Variants in CLBA1 observed in about 807,000 individuals in gnomAD.
CLBA1 encodes the protein uncharacterized protein CLBA1.
Under a neutral mutation model 28.8 loss-of-function variants are expected in CLBA1, and 30 were observed. The observed-to-expected ratio is 1.04, with a 90% CI of 0.78 to 1.41. The LOEUF is 1.41. Among genes scored for constraint, CLBA1 ranks in the 40% most tolerant of loss-of-function variants. The pLI is 0.00. For synonymous variants in CLBA1, 160 were observed against 152.8 expected (o/e 1.05, Z -0.35); for missense variants, 451 against 412.3 (o/e 1.09, Z -0.81).
chr14:104,988,084 TC>T (rs1899917312), intron 1 of CLBA1, among the ~76,000 whole-genome samples: 1 of 106,186 alleles, frequency 9.4e-6, no homozygotes, highest in African/African-American at 2.5e-5. Flanking sequence ...AGTTGAAATT[TC>T]ACAAGAAAGA....
intron 4 of CLBA1, chr14:104,993,675 G>C (rs2140899237): frequency 2.0e-6 from 2 of 985,460 alleles, no homozygotes; most frequent in African/African-American, 3.5e-5. Context: ...CTGGAGTCTG[G>C]AGCCCACCCT....
In CLBA1 at chr14:104,995,311, T is replaced by A; in HGVS notation, c.*552T>A. 1.0e-6 allele frequency: 1 copy of A among 985,450 alleles called. No individual in the cohort carries two copies. The highest frequency in any genetic ancestry group is 1.2e-6 in the Non-Finnish European group (1 of 830,002). 61.0% of individuals were successfully genotyped at this position (985,450 alleles called of 1,614,324 possible). A position where few individuals can be genotyped will look rare whatever the true frequency, so the allele number is the denominator to read the frequency against. On this transcript the variant is annotated 3_prime_UTR_variant, in exon 5 of 5. Coordinates refer to ENST00000547315, the MANE Select transcript of CLBA1 (RefSeq NM_174891.4). The stretch of plus-strand genomic sequence containing the variant: ...CTCGCAGGTGCCCTCACTTACTGCC[T>A]GGGCCCCTGCCCAGCAGCCTCAAGG...
chr14:104,985,837 C>A lies in CLBA1; in HGVS notation c.-595C>A. On this transcript the variant is annotated 5_prime_UTR_variant, in exon 1 of 5. Coordinates refer to ENST00000547315, the MANE Select transcript of CLBA1 (RefSeq NM_174891.4). ...AGGGAACGGCTGGTTGCAGGTTTCT[C>A]TCGCCCTGGTCCCGCGCGGCCCCGC... 1 of 279,224 alleles carries A rather than the reference C, an allele frequency of 3.6e-6. No homozygotes were observed. The highest frequency in any genetic ancestry group is 7.3e-4 in the Middle Eastern group (1 of 1,362). The allele number at this position is 279,224 out of a possible 1,614,324, so 17.3% of individuals were successfully genotyped here. A position where few individuals can be genotyped will look rare whatever the true frequency, so the allele number is the denominator to read the frequency against.
chr14:104,995,136 G>C lies in CLBA1; in HGVS notation c.*377G>C. ...GGGAGCAACTTGTGGCCAAATCCAT[G>C]AGTTCAGAGGAAAAGGGGAAGGCAC... is the stretch of plus-strand genomic sequence containing the variant. On this transcript the variant is annotated 3_prime_UTR_variant, in exon 5 of 5. Coordinates refer to ENST00000547315, the MANE Select transcript of CLBA1 (RefSeq NM_174891.4). 5.0e-6 allele frequency: 5 copies of C among 995,114 alleles called. No individual in the cohort carries two copies. Among genetic ancestry groups the C allele is most frequent in the Non-Finnish European group, 6.0e-6 (5 of 836,606 alleles). 61.6% of individuals were successfully genotyped at this position (995,114 alleles called of 1,614,324 possible).
chr14:104,998,797 G>A (rs1900211995), downstream of CLBA1, among the ~76,000 whole-genome samples: 3 of 152,272 alleles, frequency 2.0e-5, no homozygotes, highest in Admixed American at 1.3e-4. Context: ...CAGCTGGCAG[G>A]ACAGGTGCCC....
downstream of CLBA1, among the ~76,000 whole-genome samples, chr14:104,995,750 C>T (rs1006473761): frequency 4.6e-5 from 7 of 152,240 alleles, no homozygotes; most frequent in Non-Finnish European, 7.3e-5. Context: ...ACCCTGGCCT[C>T]GGCCACCCAG....
Position 104,995,501 on chromosome 14 carries a change from A to T in CLBA1, c.*742A>T. 1.0e-6 allele frequency: 1 copy of T among 985,346 alleles called. No homozygotes were observed. The highest frequency in any genetic ancestry group is 4.7e-5 in the South Asian group (1 of 21,286). 61.0% of individuals were successfully genotyped at this position (985,346 alleles called of 1,614,324 possible). ...TGACTTTTGTAAAATTTTACTAAAT[A>T]AAACCACCTGGATAAGCCTGTTGTC... On this transcript the variant is annotated 3_prime_UTR_variant, in exon 5 of 5. Transcript: ENST00000547315.
In CLBA1 at chr14:104,991,419, C is replaced by T; in HGVS notation, c.570-72C>T. 2.5e-6 allele frequency: 4 copies of T among 1,592,740 alleles called. No individual in the cohort carries two copies. The Admixed American group carries it at 6.8e-5, about 27-fold the overall frequency. ...AAAGGCCAGGCGCCCCGCTGCGTGC[C>T]TCGGGCCGTGCCTCATGATCTCCTC... is the stretch of plus-strand genomic sequence containing the variant. On this transcript the variant is annotated intron_variant, in intron 2 of 4. Coordinates refer to ENST00000547315, the MANE Select transcript of CLBA1 (RefSeq NM_174891.4).
Position 104,986,301 on chromosome 14 carries a change from G to A in CLBA1, c.-131G>A. 3.2e-6 allele frequency: 3 copies of A among 941,582 alleles called. No homozygotes were observed. Among genetic ancestry groups the A allele is most frequent in the South Asian group, 3.4e-5 (2 of 58,798 alleles). 58.3% of individuals were successfully genotyped at this position (941,582 alleles called of 1,614,324 possible). A position where few individuals can be genotyped will look rare whatever the true frequency, so the allele number is the denominator to read the frequency against. ...ACCGTCAGCCACTGGGCAGCCCGGGGCACTCCTGCAGCGTCCCCTGGCCCT... is the reference window on the plus strand; with the variant it reads ...ACCGTCAGCCACTGGGCAGCCCGGGACACTCCTGCAGCGTCCCCTGGCCCT... On this transcript the variant is annotated 5_prime_UTR_variant, in exon 1 of 5. Coordinates refer to ENST00000547315, the MANE Select transcript of CLBA1 (RefSeq NM_174891.4).
rs1277591483 is a variant in CLBA1, at chr14:104,985,829, A to G, written c.-603A>G. 3 of 299,830 alleles carry G rather than the reference A, an allele frequency of 1.0e-5. No individual in the cohort carries two copies. The highest frequency in any genetic ancestry group is 4.1e-5 in the Admixed American group (1 of 24,552). The allele number at this position is 299,830 out of a possible 1,614,324, so 18.6% of individuals were successfully genotyped here. ...CAGGCAGGAGGGAACGGCTGGTTGCAGGTTTCTCTCGCCCTGGTCCCGCGC... is the reference window on the plus strand; with the variant it reads ...CAGGCAGGAGGGAACGGCTGGTTGCGGGTTTCTCTCGCCCTGGTCCCGCGC... On this transcript the variant is annotated 5_prime_UTR_variant, in exon 1 of 5. Transcript: ENST00000547315.
chr14:104,989,102 G>A lies in CLBA1; in HGVS notation c.569+14G>A, dbSNP rs376812571. The stretch of plus-strand genomic sequence containing the variant: ...ACATAAATTGTGGTAATGAACTGAA[G>A]AAATATTTCTTACAGCAACTGCTTT... On this transcript the variant is annotated intron_variant, in intron 2 of 4. Coordinates refer to ENST00000547315, the MANE Select transcript of CLBA1 (RefSeq NM_174891.4). 2.5e-6 allele frequency: 4 copies of A among 1,597,112 alleles called. No individual in the cohort carries two copies. Among genetic ancestry groups the A allele is most frequent in the Admixed American group, 1.8e-5 (1 of 56,660 alleles).
chr14:104,996,960 G>A (rs367559534), downstream of CLBA1, among the ~76,000 whole-genome samples: 24 of 152,308 alleles, frequency 1.6e-4, no homozygotes, highest in Middle Eastern at 3.4e-3. Context: ...CTTCAGCCTC[G>A]ATTGTTCTTT....
At chr14:104,989,542 GC>G (rs1276480455) in intron 2 of CLBA1, 46 of 455,024 alleles carry the variant, frequency 1.0e-4, no homozygotes, top group Non-Finnish European at 1.9e-4. Flanking sequence ...CCCAGGCCCA[GC>G]CCCAGGGGTG....
At chr14:104,998,264 AT>A (rs1900190891), downstream of CLBA1, among the ~76,000 whole-genome samples, 1 of 150,532 alleles carries the variant, frequency 6.6e-6, no homozygotes, top group African/African-American at 2.5e-5. Context: ...AAAAAAAAAA[AT>A]TAGCCTGGTG....
In CLBA1 at chr14:104,994,721, A is replaced by G. The variant is rs774973545; in HGVS notation, c.940A>G (p.Lys314Glu). The change falls in exon 5 of 5, where the codon AAG becomes GAG. Residue 314 changes from lysine to glutamate, a missense_variant. Physicochemically the swap from Lys to Glu is moderately conservative, Grantham distance 56. Transcript: ENST00000547315. Reference sequence around the variant, plus strand: ...AAGGAAAAGGATGTTCACTCCACGCAAGCTCAAACTGACACTCTTTAATAG... The same window carrying G: ...AAGGAAAAGGATGTTCACTCCACGCGAGCTCAAACTGACACTCTTTAATAG... Reference protein sequence around the residue: ...IPRKRMFTPRKLKLTLFNSDV... With the variant: ...IPRKRMFTPRELKLTLFNSDV... 6.8e-6 allele frequency: 11 copies of G among 1,613,636 alleles called. No individual in the cohort carries two copies. The highest frequency in any genetic ancestry group is 1.1e-5 in the South Asian group (1 of 91,030).
chr14:105,000,002 C>G (rs187181961), downstream of CLBA1, among the ~76,000 whole-genome samples: 361 of 152,262 alleles, frequency 2.4e-3, 3 homozygotes, highest in African/African-American at 8.4e-3. Flanking sequence ...TAAGTGAAGA[C>G]GTAAGAGCAT....
chr14:104,988,578 A>G (rs533914273), intron 1 of CLBA1, among the ~76,000 whole-genome samples: 1 of 152,272 alleles, frequency 6.6e-6, no homozygotes, highest in Non-Finnish European at 1.5e-5. Flanking sequence ...TGACCTCGTG[A>G]TCTGCCCACC....
At chr14:104,987,272 C>A (rs1259603778) in intron 1 of CLBA1, among the ~76,000 whole-genome samples, 1 of 152,242 alleles carries the variant, frequency 6.6e-6, no homozygotes, top group Admixed American at 6.5e-5. Flanking sequence ...TTTCAACTTG[C>A]TTGTAATGAA....
At chr14:104,989,623 A>G (rs1899962470) in intron 2 of CLBA1, 1 of 455,976 alleles carries the variant, frequency 2.2e-6, no homozygotes, top group Non-Finnish European at 4.4e-6. Context: ...GCAGATGGCC[A>G]TTTTCCAGGG....
Sources: gnomAD v4.1 joint callset for allele counts (sites outside exome capture counted in the v4.1 genomes callset) on GRCh38, gnomAD v4.1.1 for gene constraint, MANE v1.5 for transcripts, NCBI Gene and HGNC (gene_info 2026-07-23, HGNC 2026-07-21) for gene names.